Variants in PPP1R42 observed in about 807,000 individuals in gnomAD.
PPP1R42 encodes leucine rich repeat containing 67.
A neutral mutation model predicts 31.0 loss-of-function variants in PPP1R42; 34 were observed. That is an observed-to-expected ratio of 1.10 (90% CI 0.83 to 1.46). The LOEUF is 1.46. Among genes scored for constraint, PPP1R42 ranks in the 40% most tolerant of loss-of-function variants. The probability of loss-of-function intolerance (pLI) is 0.00; values close to 1 mark genes in which losing one functional copy is unlikely to be tolerated. For missense variants in PPP1R42, 268 were observed against 303.0 expected (o/e 0.88, Z 0.86); for synonymous variants, 103 against 109.8 (o/e 0.94, Z 0.39).
intron 5 of PPP1R42, among the ~76,000 whole-genome samples, chr8:66,993,181 C>T (rs1815241534): frequency 6.6e-6 from 1 of 152,302 alleles, no homozygotes; most frequent in East Asian, 1.9e-4. Context: ...ATCCACTTTA[C>T]TTCCTAAACA....
intron 5 of PPP1R42, among the ~76,000 whole-genome samples, chr8:67,004,371 T>C (rs1042337693): frequency 2.0e-5 from 3 of 152,198 alleles, no homozygotes; most frequent in Non-Finnish European, 2.9e-5. Flanking sequence ...GGTATTTTGT[T>C]ATAGCAGCAA....
At chr8:67,022,315 T>C (rs1384174332) in intron 1 of PPP1R42, among the ~76,000 whole-genome samples, 1 of 152,216 alleles carries the variant, frequency 6.6e-6, no homozygotes, top group Non-Finnish European at 1.5e-5. Context: ...CTTCTGTTAA[T>C]TGCTATTTCT....
intron 1 of PPP1R42, among the ~76,000 whole-genome samples, chr8:67,026,057 C>T (rs1458163205): frequency 2.7e-5 from 4 of 150,784 alleles, no homozygotes; most frequent in African/African-American, 7.3e-5. Flanking sequence ...AAAATGTGGC[C>T]GGGCGCGGTG....
intron 1 of PPP1R42, among the ~76,000 whole-genome samples, chr8:67,021,000 C>T (rs1428773527): frequency 6.6e-6 from 1 of 152,004 alleles, no homozygotes; most frequent in Non-Finnish European, 1.5e-5. Flanking sequence ...TTGAGGTAAC[C>T]CGTTTTTTCA....
chr8:66,970,477 A>G (rs973317165), intron 7 of PPP1R42, among the ~76,000 whole-genome samples: 14 of 152,202 alleles, frequency 9.2e-5, no homozygotes, highest in Non-Finnish European at 1.6e-4. Flanking sequence ...TTTTAAACCA[A>G]AAAGCAAATT....
At position 67,014,605 on chromosome 8, in the gene PPP1R42, C is replaced by A; in HGVS notation, c.130-13G>T. On this transcript the variant is annotated splice_polypyrimidine_tract_variant and intron_variant, in intron 2 of 7. Transcript: ENST00000685739. The stretch of plus-strand genomic sequence containing the variant: ...GAGAGAGGTCTTCCTAAAAGGGAAA[C>A]AAAAACATGTCAAATGTAATTTCTC... 6.6e-7 allele frequency: 1 copy of A among 1,504,202 alleles called. No homozygotes were observed. Among genetic ancestry groups the A allele is most frequent in the South Asian group, 1.3e-5 (1 of 78,406 alleles). 93.2% of individuals were successfully genotyped at this position (1,504,202 alleles called of 1,614,324 possible). A position where few individuals can be genotyped will look rare whatever the true frequency, so the allele number is the denominator to read the frequency against.
intron 2 of PPP1R42, among the ~76,000 whole-genome samples, chr8:67,014,826 T>G (rs896556581): frequency 3.3e-5 from 5 of 152,160 alleles, no homozygotes; most frequent in Non-Finnish European, 7.3e-5. Context: ...AAAACTGGAA[T>G]TGTTAAGATT....
chr8:67,023,634 A>G (rs1437429091), intron 1 of PPP1R42, among the ~76,000 whole-genome samples: 1 of 152,092 alleles, frequency 6.6e-6, no homozygotes. Context: ...GTAACAGTCT[A>G]CTACTTCCCA....
intron 6 of PPP1R42, among the ~76,000 whole-genome samples, chr8:66,986,992 C>A (rs1264103556): frequency 6.6e-6 from 1 of 152,068 alleles, no homozygotes; most frequent in Non-Finnish European, 1.5e-5. Flanking sequence ...AATGAAACCC[C>A]GCCTCTACTC....
At chr8:66,998,739 A>T (rs1040399987) in intron 5 of PPP1R42, among the ~76,000 whole-genome samples, 12 of 152,180 alleles carry the variant, frequency 7.9e-5, no homozygotes, top group African/African-American at 2.9e-4. Context: ...TTTGCTGATA[A>T]TTTTTAAAAA....
In PPP1R42 at chr8:67,013,082, T is replaced by C. The variant is rs1815893214; in HGVS notation, c.311A>G (p.Asn104Ser). ...KKLEKLYLGG[N>S]YIAVIEGLEG... ...TAAACCTTCTATGACAGCAATGTAA[T>C]TGCCTCCCAGATACCTGCAAAACAT... The change falls in exon 4 of 8, where the codon AAT becomes AGT. Residue 104 changes from asparagine to serine, a missense_variant. Coordinates refer to ENST00000685739, the MANE Select transcript of PPP1R42 (RefSeq NM_001364910.1). The C allele has an allele frequency of 6.3e-7, 1 of 1,598,260 alleles. No individual in the cohort carries two copies.
chr8:66,999,829 G>A (rs1815433006), intron 5 of PPP1R42, among the ~76,000 whole-genome samples: 1 of 152,130 alleles, frequency 6.6e-6, no homozygotes, highest in Admixed American at 6.6e-5. Context: ...TGTTTCTTAT[G>A]TCAGTTTTGG....
intron 7 of PPP1R42, chr8:66,970,992 A>G: frequency 6.6e-7 from 1 of 1,523,040 alleles, no homozygotes; most frequent in Non-Finnish European, 8.8e-7. Flanking sequence ...CCATCTCTTA[A>G]ATAATTTTAG....
At chr8:67,015,915 CT>C (rs1257862650) in intron 2 of PPP1R42, among the ~76,000 whole-genome samples, 1 of 152,160 alleles carries the variant, frequency 6.6e-6, no homozygotes, top group Non-Finnish European at 1.5e-5. Flanking sequence ...AGAAGTTATT[CT>C]CATTTTAGTG....
chr8:66,990,332 A>G lies in PPP1R42; in HGVS notation c.553-1815T>C, dbSNP rs140862012. Among the ~76,000 whole-genome samples the G allele has an allele frequency of 9.3e-4, 142 of 152,280 alleles. 1 individual carries two copies. Among genetic ancestry groups the G allele is most frequent in the African/African-American group, 3.2e-3 (134 of 41,554 alleles). ...ATAAAGAGTGCTTAGAGTTTTGTTA[A>G]TTGTTCTTTACTTGATAAATGACCT... is the stretch of plus-strand genomic sequence containing the variant. On this transcript the variant is annotated intron_variant, in intron 5 of 7. Transcript: ENST00000685739.
intron 1 of PPP1R42, among the ~76,000 whole-genome samples, chr8:67,019,732 C>CA (rs1315275923): frequency 6.6e-6 from 1 of 151,046 alleles, no homozygotes; most frequent in Non-Finnish European, 1.5e-5. Context: ...CTAAAAAATA[C>CA]AAAAAATTAG....
Position 67,013,067 on chromosome 8 carries a change from A to G in PPP1R42, c.326T>C (p.Ile109Thr), listed in dbSNP as rs754490240. 3.7e-6 allele frequency: 6 copies of G among 1,604,602 alleles called. No individual in the cohort carries two copies. Among genetic ancestry groups the G allele is most frequent in the South Asian group, 1.1e-5 (1 of 88,274 alleles). The change falls in exon 4 of 8, where the codon ATA (isoleucine) becomes ACA (threonine). Residue 109 changes from isoleucine to threonine, a missense_variant. Ile to Thr is a moderately conservative substitution (Grantham distance 89, BLOSUM62 -1). Transcript: ENST00000685739. ...LYLGGNYIAV[I>T]EGLEGLGELR... The stretch of plus-strand genomic sequence containing the variant: ...TTCTCCTAATCCTTCTAAACCTTCT[A>G]TGACAGCAATGTAATTGCCTCCCAG...
intron 7 of PPP1R42, among the ~76,000 whole-genome samples, chr8:66,973,712 C>T (rs533316340): frequency 6.6e-6 from 1 of 152,042 alleles, no homozygotes; most frequent in African/African-American, 2.4e-5. Context: ...CTTGTTTGGC[C>T]GAAACTTTAT....
At chr8:66,985,441 C>T (rs1316416297) in intron 6 of PPP1R42, 7 of 812,870 alleles carry the variant, frequency 8.6e-6, no homozygotes, top group Admixed American at 1.9e-5. Flanking sequence ...ATCTACAATG[C>T]ACCCTTGCTC....
Sources: allele counts gnomAD v4.1 joint callset (sites outside exome capture counted in the v4.1 genomes callset), GRCh38; gene constraint gnomAD v4.1.1; transcripts MANE v1.5; gene names NCBI Gene and HGNC (gene_info 2026-07-23, HGNC 2026-07-21).